Variants in MCPH1 observed in about 807,000 individuals in gnomAD.
MCPH1 encodes microcephalin 1.
A neutral mutation model predicts 84.5 loss-of-function variants in MCPH1; 104 were observed. The observed-to-expected ratio is 1.23, with a 90% CI of 1.05 to 1.45. The LOEUF (loss-of-function observed/expected upper bound fraction) is 1.45. MCPH1 is among the 40% of genes most tolerant of loss of function. MCPH1 has a pLI of 0.00. For synonymous variants in MCPH1, 514 were observed against 366.8 expected (o/e 1.40, Z -4.58); for missense variants, 1,498 against 1,005.7 (o/e 1.49, Z -6.62).
chr8:6,534,054 C>T (rs951925514), intron 12 of MCPH1, among the ~76,000 whole-genome samples: 6 of 152,146 alleles, frequency 3.9e-5, no homozygotes, highest in Non-Finnish European at 8.8e-5. Flanking sequence ...TCCCTGCATG[C>T]CCCTCAGCCT....
intron 11 of MCPH1, among the ~76,000 whole-genome samples, chr8:6,488,648 A>T (rs890361932): frequency 2.6e-5 from 4 of 152,192 alleles, no homozygotes; most frequent in African/African-American, 7.2e-5. Flanking sequence ...AAAGAGAAAT[A>T]CCTGAGGCAC....
chr8:6,512,343 T>G lies in MCPH1; in HGVS notation c.2214+12414T>G, dbSNP rs1293581783. ...AGCCTGCTCAAGGACTTTAACATTG[T>G]GTCTCCTTTCAGACTGTTCAGGTCG... is the stretch of plus-strand genomic sequence containing the variant. On this transcript the variant is annotated intron_variant, in intron 12 of 13. Transcript: ENST00000344683. Among the ~76,000 whole-genome samples the G allele has an allele frequency of 2.0e-5, 3 of 152,200 alleles. No individual in the cohort carries two copies. In the South Asian group the frequency reaches 6.2e-4, roughly 32 times the overall value.
intron 3 of MCPH1, among the ~76,000 whole-genome samples, chr8:6,418,960 C>T (rs1799727167): frequency 6.6e-6 from 1 of 152,098 alleles, no homozygotes; most frequent in Admixed American, 6.6e-5. Context: ...GCCTTTTCAA[C>T]AGATTCAGGT....
chr8:6,536,048 C>A (rs962830153), intron 12 of MCPH1, among the ~76,000 whole-genome samples: 3 of 151,898 alleles, frequency 2.0e-5, no homozygotes, highest in Admixed American at 2.0e-4. Context: ...CAGAGTGAGA[C>A]CTTGTCTCAA....
intron 13 of MCPH1, chr8:6,625,742 C>T (rs943534726): frequency 1.7e-5 from 17 of 976,070 alleles, no homozygotes; most frequent in Non-Finnish European, 2.1e-5. Flanking sequence ...AACGATCCCA[C>T]CACTGTACTC....
chr8:6,412,547 G>T (rs1162937665), intron 2 of MCPH1, among the ~76,000 whole-genome samples: 1 of 152,194 alleles, frequency 6.6e-6, no homozygotes, highest in African/African-American at 2.4e-5. Context: ...ACAGGCCTGT[G>T]AGGGTCATTA....
At chr8:6,637,502 G>A (rs1797640536) in intron 13 of MCPH1, among the ~76,000 whole-genome samples, 1 of 152,164 alleles carries the variant, frequency 6.6e-6, no homozygotes, top group Non-Finnish European at 1.5e-5. Context: ...TGAAGCTGGA[G>A]AAGCAGGCAG....
chr8:6,444,604 TC>T lies in MCPH1; in HGVS notation c.883del (p.Leu295PhefsTer6). The stretch of plus-strand genomic sequence containing the variant: ...CAAGTCCTCAGAAATTTCTGAGTAA[TC>T]TTTCAAAGGAAGAAATAAACTTGCA... ...KSSPQKFLSNLSKEEINLQRN... is the reference protein window; with the variant it reads ...KSSPQKFLSNXSKEEINLQRN... On this transcript the variant is annotated frameshift_variant, in exon 8 of 14. Coordinates refer to ENST00000344683, the MANE Select transcript of MCPH1 (RefSeq NM_024596.5). LOFTEE classifies it high-confidence loss of function. 6.2e-7 allele frequency: 1 copy of T among 1,614,212 alleles called. No homozygotes were observed. The highest frequency in any genetic ancestry group is 8.5e-7 in the Non-Finnish European group (1 of 1,180,040).
At chr8:6,538,564 C>A (rs559386024) in intron 12 of MCPH1, among the ~76,000 whole-genome samples, 8 of 152,306 alleles carry the variant, frequency 5.3e-5, no homozygotes, top group Admixed American at 2.6e-4. Context: ...CTTGGCTGTC[C>A]CAGCTGCCCA....
At chr8:6,562,549 CTTCT>C (rs1825697269) in intron 12 of MCPH1, 2 of 87,394 alleles carry the variant, frequency 2.3e-5, no homozygotes, top group South Asian at 4.6e-4. Flanking sequence ...CTTCATCCTC[CTTCT>C]TTTTTTTTTT....
At chr8:6,573,197 C>T (rs112806720) in intron 12 of MCPH1, among the ~76,000 whole-genome samples, 12 of 152,100 alleles carry the variant, frequency 7.9e-5, no homozygotes, top group African/African-American at 2.4e-4. Context: ...GCATTTGGGG[C>T]GGGGGAGTGT....
rs1430956502 is a variant in MCPH1, at chr8:6,447,156, C to T, written c.1825+1609C>T. Reference sequence around the variant, plus strand: ...TAAAAAGACCTACATGTTGGCTAGCCTAAATCGAACCCTTTTATAGTAATA... The same window carrying T: ...TAAAAAGACCTACATGTTGGCTAGCTTAAATCGAACCCTTTTATAGTAATA... On this transcript the variant is annotated intron_variant, in intron 8 of 13. Coordinates refer to ENST00000344683, the MANE Select transcript of MCPH1 (RefSeq NM_024596.5). 5.1e-6 allele frequency: 5 copies of T among 985,342 alleles called. No homozygotes were observed. In the African/African-American group the frequency reaches 8.7e-5, roughly 17 times the overall value. 61.0% of individuals were successfully genotyped at this position (985,342 alleles called of 1,614,324 possible).
chr8:6,476,128 C>G (rs560023679), intron 9 of MCPH1, among the ~76,000 whole-genome samples: 1 of 152,072 alleles, frequency 6.6e-6, no homozygotes. Context: ...AATTTGTAAG[C>G]TGTAATTCTA....
chr8:6,500,040 A>G (rs958392246), intron 12 of MCPH1, 111 bp downstream of exon 12: 2 of 879,768 alleles, frequency 2.3e-6, no homozygotes, highest in Non-Finnish European at 3.8e-6. Context: ...AATTATGCCC[A>G]TAATTAAAAA....
rs143041917 is a variant in MCPH1 at position 6,456,017 on chromosome 8, C to G, written c.1935+765C>G. Among the ~76,000 whole-genome samples, 185 of 152,222 alleles carry G rather than the reference C, an allele frequency of 1.2e-3. 3 individuals are homozygous for G. The East Asian group carries it at 0.03, about 24-fold the overall frequency. ...TGAACAGATGGGCGGCTGCATTTGA[C>G]CTGCGGAAGAGAAACCTGACTCCTT... is the stretch of plus-strand genomic sequence containing the variant. On this transcript the variant is annotated intron_variant, in intron 9 of 13. Coordinates refer to ENST00000344683, the MANE Select transcript of MCPH1 (RefSeq NM_024596.5).
intron 3 of MCPH1, among the ~76,000 whole-genome samples, chr8:6,421,135 G>A (rs138724057): frequency 6.6e-6 from 1 of 152,330 alleles, no homozygotes; most frequent in African/African-American, 2.4e-5. Flanking sequence ...GTGCCCATCT[G>A]AAGCTTTCTT....
At chr8:6,605,544 C>T (rs1563178889) in intron 12 of MCPH1, among the ~76,000 whole-genome samples, 2 of 152,172 alleles carry the variant, frequency 1.3e-5, no homozygotes. Flanking sequence ...TATGAAATAA[C>T]AATACTGTGC....
Position 6,641,327 on chromosome 8 carries a change from C to A in MCPH1, c.2453-1667C>A, listed in dbSNP as rs1038034608. Among the ~76,000 whole-genome samples the A allele has an allele frequency of 3.9e-5, 6 of 152,234 alleles. No homozygotes were observed. The South Asian group carries it at 8.3e-4, about 21-fold the overall frequency. ...ACAAATGTGGCTGAATGACTTTAAACCCTGAGTATCGGAAAAGGCTTCCAC... is the reference window on the plus strand; with the variant it reads ...ACAAATGTGGCTGAATGACTTTAAAACCTGAGTATCGGAAAAGGCTTCCAC... On this transcript the variant is annotated intron_variant, in intron 13 of 13. Transcript: ENST00000344683.
intron 12 of MCPH1, among the ~76,000 whole-genome samples, chr8:6,549,259 C>G (rs760646796): frequency 6.6e-6 from 1 of 152,152 alleles, no homozygotes; most frequent in Non-Finnish European, 1.5e-5. Flanking sequence ...TGTTATACAG[C>G]GAAACACTGC....
Sources: gnomAD v4.1 joint callset for allele counts (sites outside exome capture counted in the v4.1 genomes callset) on GRCh38, gnomAD v4.1.1 for gene constraint, MANE v1.5 for transcripts, NCBI Gene and HGNC (gene_info 2026-07-23, HGNC 2026-07-21) for gene names.